Variants in ALPK2 observed in about 807,000 individuals in gnomAD.
ALPK2 encodes alpha kinase 2.
ALPK2 carries 127 observed loss-of-function variants against 163.1 expected under a neutral mutation model. The ratio of observed to expected loss-of-function variants is 0.78; its 90% CI spans 0.67 to 0.90. ALPK2 has a LOEUF of 0.90. ALPK2 is among the 40% of genes least tolerant of loss of function. ALPK2 has a pLI of 0.00. For missense variants in ALPK2, 2,360 were observed against 2,589.6 expected, an observed-to-expected ratio of 0.91 and a Z score of 1.92; for synonymous variants, 953 against 959.1, an observed-to-expected ratio of 0.99 and a Z score of 0.12.
intron 4 of ALPK2, among the ~76,000 whole-genome samples, chr18:58,558,872 G>A (rs989514503): frequency 6.6e-6 from 1 of 152,226 alleles, no homozygotes; most frequent in African/African-American, 2.4e-5. Flanking sequence ...TCCAGAACAG[G>A]CAAATCTATT....
intron 4 of ALPK2, among the ~76,000 whole-genome samples, chr18:58,540,298 T>C (rs1219852379): frequency 6.6e-6 from 1 of 152,246 alleles, no homozygotes; most frequent in Non-Finnish European, 1.5e-5. Flanking sequence ...CTCCTGACTT[T>C]GCAACAACCC....
At chr18:58,626,802 G>GT (rs1555678961) in intron 1 of ALPK2, among the ~76,000 whole-genome samples, 47,538 of 151,090 alleles carry the variant, frequency 0.31, 7,509 homozygotes, top group East Asian at 0.35. Context: ...ATTGTGTTAT[G>GT]TTGTATTGCA....
intron 1 of ALPK2, among the ~76,000 whole-genome samples, chr18:58,617,005 A>AC (rs1308922374): frequency 6.6e-6 from 1 of 152,006 alleles, no homozygotes; most frequent in Non-Finnish European, 1.5e-5. Flanking sequence ...AGCCGAGAAC[A>AC]CCCACCAGTG....
chr18:58,561,965 G>T (rs2051827830), intron 4 of ALPK2, among the ~76,000 whole-genome samples: 1 of 152,144 alleles, frequency 6.6e-6, no homozygotes, highest in Non-Finnish European at 1.5e-5. Flanking sequence ...CAATCCATGG[G>T]GTTCTTTCCC....
intron 3 of ALPK2, chr18:58,581,061 TAA>T (rs35670010): frequency 0.17 from 25,198 of 146,376 alleles, 2,377 homozygotes; most frequent in African/African-American, 0.26. Flanking sequence ...GTTTTCACTT[TAA>T]AAAAAAAAAA....
chr18:58,578,771 C>CACACACACACACACACACACACACACT, intron 4 of ALPK2, 43 bp downstream of exon 4: 1 of 1,562,118 alleles, frequency 6.4e-7, no homozygotes, highest in Non-Finnish European at 8.7e-7. Flanking sequence ...CACACACACA[C>CACACACACACACACACACACACACACT]GGTTCTTTTT....
At chr18:58,607,197 T>A in intron 3 of ALPK2, 125 bp downstream of exon 3, 3 of 595,414 alleles carry the variant, frequency 5.0e-6, no homozygotes. Context: ...TGCCTGCCAA[T>A]GGCATCTAAA....
chr18:58,602,956 A>G (rs1417355329), intron 3 of ALPK2, among the ~76,000 whole-genome samples: 3 of 152,218 alleles, frequency 2.0e-5, no homozygotes, highest in Non-Finnish European at 4.4e-5. Flanking sequence ...ATGCCATGGC[A>G]ACATTTAGAA....
intron 10 of ALPK2, among the ~76,000 whole-genome samples, 184 bp downstream of exon 10, chr18:58,514,804 TTATTA>T (rs921945976): frequency 6.7e-6 from 1 of 148,980 alleles, no homozygotes; most frequent in African/African-American, 2.4e-5. Flanking sequence ...AAATATAATA[TTATTA>T]TATTATATAA....
chr18:58,620,189 G>A (rs939162296), intron 1 of ALPK2, among the ~76,000 whole-genome samples: 6 of 152,176 alleles, frequency 3.9e-5, no homozygotes, highest in Admixed American at 2.6e-4. Context: ...TACTTGGGAG[G>A]CCGAGGTAAG....
rs1357438192 is a variant in ALPK2 at position 58,504,088 on chromosome 18, C to T, written c.6090G>A (p.Glu2030=). Residue 2030 remains glutamate (E), a synonymous_variant, in exon 11 of 13, where the codon GAG becomes GAA. Transcript: ENST00000361673. ...TCACAAATTCTCCAATCAGCTCCTC[C>T]TCCACTGTAGCATACGGGATATTGT... ...PENNIPYATV[E]EELIGEFVKY... The T allele has an allele frequency of 1.2e-6, 2 of 1,614,206 alleles. No individual in the cohort carries two copies. Among genetic ancestry groups the T allele is most frequent in the Non-Finnish European group, 1.7e-6 (2 of 1,180,030 alleles).
chr18:58,511,158 T>C (rs2051488155), intron 10 of ALPK2, among the ~76,000 whole-genome samples: 1 of 152,166 alleles, frequency 6.6e-6, no homozygotes, highest in Non-Finnish European at 1.5e-5. Context: ...TGGTTTTTGT[T>C]GTTGGTTCTG....
intron 2 of ALPK2, among the ~76,000 whole-genome samples, chr18:58,608,908 T>C (rs1359173116): frequency 1.3e-5 from 2 of 150,006 alleles, no homozygotes; most frequent in African/African-American, 2.5e-5. Flanking sequence ...GCTGTAATCA[T>C]GATTGTGCCA....
At chr18:58,587,492 C>A (rs2051993550) in intron 3 of ALPK2, among the ~76,000 whole-genome samples, 2 of 151,790 alleles carry the variant, frequency 1.3e-5, no homozygotes, top group Non-Finnish European at 1.5e-5. Context: ...TAAAGAAAAC[C>A]ATGTCTAAAG....
At position 58,481,767 on chromosome 18, in the gene ALPK2, T is replaced by C. The variant is rs1182760733; in HGVS notation, c.*56A>G. The C allele has an allele frequency of 6.2e-6, 9 of 1,444,558 alleles. No homozygotes were observed. The East Asian group carries it at 2.0e-4, about 33-fold the overall frequency. 89.5% of individuals were successfully genotyped at this position (1,444,558 alleles called of 1,614,324 possible). A position where few individuals can be genotyped will look rare whatever the true frequency, so the allele number is the denominator to read the frequency against. On this transcript the variant is annotated 3_prime_UTR_variant, in exon 13 of 13. Coordinates refer to ENST00000361673, the MANE Select transcript of ALPK2 (RefSeq NM_052947.4). The stretch of plus-strand genomic sequence containing the variant: ...TATTCTCTCCTGTGTGGCCTCAGAT[T>C]TTCCCTGGCGAGATTGTGTGCTGCT...
chr18:58,546,923 T>G (rs545401549), intron 4 of ALPK2, among the ~76,000 whole-genome samples: 6 of 151,686 alleles, frequency 4.0e-5, no homozygotes, highest in African/African-American at 7.3e-5. Context: ...CTCTGGGGGG[T>G]TTTTTGGTTT....
At chr18:58,628,419 A>G (rs79960828) in intron 1 of ALPK2, among the ~76,000 whole-genome samples, 13,016 of 152,250 alleles carry the variant, frequency 0.085, 716 homozygotes, top group Middle Eastern at 0.21. Context: ...GCAAAACTTT[A>G]CATATCACTC....
chr18:58,573,610 CTTCT>C (rs1049418072), intron 4 of ALPK2, among the ~76,000 whole-genome samples: 10 of 32,728 alleles, frequency 3.1e-4, no homozygotes, highest in Non-Finnish European at 5.6e-4. Context: ...CCATTTTTGT[CTTCT>C]TTTTTTTTTT....
At chr18:58,507,455 G>A (rs1341475115) in intron 10 of ALPK2, among the ~76,000 whole-genome samples, 1 of 152,144 alleles carries the variant, frequency 6.6e-6, no homozygotes, top group Non-Finnish European at 1.5e-5. Context: ...GAAAAGTTGT[G>A]GGGGTAGCAG....
Sources: gnomAD v4.1 joint callset for allele counts (sites outside exome capture counted in the v4.1 genomes callset) on GRCh38, gnomAD v4.1.1 for gene constraint, MANE v1.5 for transcripts, NCBI Gene and HGNC (gene_info 2026-07-23, HGNC 2026-07-21) for gene names.